The following MYO3A variants were observed in gnomAD, a reference collection of about 807,000 sequenced individuals.
The protein encoded by MYO3A is myosin-IIIa.
A neutral mutation model predicts 192.7 loss-of-function variants in MYO3A; 180 were observed. That is an observed-to-expected ratio of 0.93 (90% CI 0.83 to 1.06). The LOEUF (loss-of-function observed/expected upper bound fraction) is 1.06. MYO3A is among the 50% of genes least tolerant of loss of function. The pLI, the probability that MYO3A is intolerant of heterozygous loss-of-function variation, is 0.00. For missense variants in MYO3A, 1,896 were observed against 1,905.0 expected, an observed-to-expected ratio of 1.00 and a Z score of 0.09; for synonymous variants, 628 against 645.3, an observed-to-expected ratio of 0.97 and a Z score of 0.41.
chr10:26,072,809 G>T (rs551097199), intron 14 of MYO3A, among the ~76,000 whole-genome samples: 1 of 152,204 alleles, frequency 6.6e-6, no homozygotes, highest in African/African-American at 2.4e-5. Context: ...AAACAGTTTG[G>T]ATGTTTCTTA....
intron 24 of MYO3A, among the ~76,000 whole-genome samples, chr10:26,154,240 G>A (rs1840969234): frequency 6.6e-6 from 1 of 152,074 alleles, no homozygotes; most frequent in South Asian, 2.1e-4. Flanking sequence ...GGAGTGCAGT[G>A]GCATGATCTC....
At chr10:26,035,164 G>A (rs917701819) in intron 10 of MYO3A, among the ~76,000 whole-genome samples, 1 of 152,100 alleles carries the variant, frequency 6.6e-6, no homozygotes, top group Admixed American at 6.5e-5. Flanking sequence ...CTAGGACCAG[G>A]AAATTTGGAA....
At chr10:26,159,363 C>CTTTTTT (rs60037752) in intron 26 of MYO3A, among the ~76,000 whole-genome samples, 1 of 128,302 alleles carries the variant, frequency 7.8e-6, no homozygotes, top group African/African-American at 2.9e-5. Flanking sequence ...TTTTCTTTTT[C>CTTTTTT]TTTTTTTTTT....
At chr10:26,006,440 G>T (rs1464323670) in intron 6 of MYO3A, among the ~76,000 whole-genome samples, 1 of 152,118 alleles carries the variant, frequency 6.6e-6, no homozygotes, top group Non-Finnish European at 1.5e-5. Context: ...ATGAATCCAG[G>T]AGCTGGTTTT....
At chr10:25,990,655 TCCCCCC>T (rs1839962522) in intron 4 of MYO3A, among the ~76,000 whole-genome samples, 1 of 72,946 alleles carries the variant, frequency 1.4e-5, no homozygotes, top group African/African-American at 6.1e-5. Flanking sequence ...AGGCTACCCC[TCCCCCC>T]TCCCCCCACC....
chr10:26,141,347 T>A (rs1408170356), intron 20 of MYO3A, among the ~76,000 whole-genome samples: 1 of 152,264 alleles, frequency 6.6e-6, no homozygotes, highest in Admixed American at 6.5e-5. Flanking sequence ...ATATAATACA[T>A]AATTATTTTA....
At chr10:26,102,570 A>G (rs1380482086) in intron 17 of MYO3A, among the ~76,000 whole-genome samples, 2 of 152,076 alleles carry the variant, frequency 1.3e-5, no homozygotes, top group African/African-American at 2.4e-5. Flanking sequence ...TGATGTACAG[A>G]TGGGCTTTTG....
At chr10:26,127,441 T>C (rs1459494789) in intron 19 of MYO3A, among the ~76,000 whole-genome samples, 1 of 152,216 alleles carries the variant, frequency 6.6e-6, no homozygotes, top group African/African-American at 2.4e-5. Context: ...AGAATTATTA[T>C]TCAAAATAAG....
chr10:25,942,137 G>A (rs1836538178), intron 2 of MYO3A, among the ~76,000 whole-genome samples: 1 of 151,806 alleles, frequency 6.6e-6, no homozygotes. Context: ...AAGTACCTGG[G>A]ACTACAGGCA....
At chr10:26,103,193 G>T (rs1229054807) in intron 17 of MYO3A, among the ~76,000 whole-genome samples, 2 of 152,248 alleles carry the variant, frequency 1.3e-5, no homozygotes, top group Non-Finnish European at 2.9e-5. Flanking sequence ...CGGGCCATGT[G>T]TGGGATATAA....
intron 14 of MYO3A, among the ~76,000 whole-genome samples, chr10:26,084,400 T>A (rs1483512120): frequency 6.6e-6 from 1 of 152,236 alleles, no homozygotes; most frequent in Non-Finnish European, 1.5e-5. Flanking sequence ...GCCTGTGGTT[T>A]TCTTTTCTTG....
At chr10:26,011,290 C>T (rs892887573) in intron 6 of MYO3A, among the ~76,000 whole-genome samples, 5 of 151,912 alleles carry the variant, frequency 3.3e-5, no homozygotes, top group East Asian at 1.9e-4. Context: ...AAAAGTCAGC[C>T]GGGTGTGGTA....
chr10:26,154,015 GT>G, intron 24 of MYO3A, 86 bp downstream of exon 24: 1 of 1,011,060 alleles, frequency 9.9e-7, no homozygotes, highest in South Asian at 1.4e-5. Context: ...AAAGTCAACA[GT>G]TTTTTTCTTA....
intron 2 of MYO3A, among the ~76,000 whole-genome samples, chr10:25,946,520 C>CTTTTTTTTTTTTTTTTTTTT (rs35754342): frequency 7.0e-6 from 1 of 142,226 alleles, no homozygotes; most frequent in African/African-American, 2.6e-5. Context: ...TTAAGTTTCC[C>CTTTTTTTTTTTTTTTTTTTT]TTTTTTTTTT....
intron 2 of MYO3A, among the ~76,000 whole-genome samples, chr10:25,936,352 C>G (rs998056596): frequency 5.9e-5 from 9 of 151,792 alleles, no homozygotes; most frequent in African/African-American, 2.2e-4. Context: ...GCTGAAATAC[C>G]CTTTAGAATG....
At chr10:25,979,492 C>G (rs1182896818) in intron 4 of MYO3A, among the ~76,000 whole-genome samples, 1 of 132,708 alleles carries the variant, frequency 7.5e-6, no homozygotes, top group Non-Finnish European at 1.6e-5. Flanking sequence ...CCCAAGTGTA[C>G]TTCTGTGTTC....
chr10:26,138,040 C>T (rs907647833), intron 20 of MYO3A, among the ~76,000 whole-genome samples: 4 of 152,220 alleles, frequency 2.6e-5, no homozygotes, highest in South Asian at 2.1e-4. Flanking sequence ...CTGATTTTGC[C>T]CTTGTCCTGT....
At chr10:26,136,810 G>A (rs1017255237) in intron 20 of MYO3A, among the ~76,000 whole-genome samples, 25 of 152,192 alleles carry the variant, frequency 1.6e-4, no homozygotes, top group African/African-American at 4.1e-4. Flanking sequence ...CTTGAGGCCC[G>A]GGAGTTTGAG....
intron 14 of MYO3A, among the ~76,000 whole-genome samples, chr10:26,073,747 T>A (rs1220084774): frequency 6.6e-6 from 1 of 152,194 alleles, no homozygotes; most frequent in African/African-American, 2.4e-5. Context: ...TACTGTGTGA[T>A]TCAGTTTACA....
Sources: gnomAD v4.1 joint callset for allele counts (sites outside exome capture counted in the v4.1 genomes callset) on GRCh38, gnomAD v4.1.1 for gene constraint, MANE v1.5 for transcripts, NCBI Gene and HGNC (gene_info 2026-07-23, HGNC 2026-07-21) for gene names.